Variants in GALNT17 observed in about 807,000 individuals in gnomAD.
GALNT17 encodes UDP-GalNAc:polypeptide N-acetylgalactosaminyltransferase-like 3.
A neutral mutation model predicts 63.7 loss-of-function variants in GALNT17; 29 were observed. The ratio of observed to expected loss-of-function variants is 0.46; its 90% CI spans 0.34 to 0.62. The LOEUF (loss-of-function observed/expected upper bound fraction) is 0.62. GALNT17 is among the 20% of genes least tolerant of loss of function. The pLI is 0.01. For synonymous variants in GALNT17, 305 were observed against 318.3 expected, an observed-to-expected ratio of 0.96 and a Z score of 0.45; for missense variants, 603 against 799.6, an observed-to-expected ratio of 0.75 and a Z score of 2.97.
intron 6 of GALNT17, among the ~76,000 whole-genome samples, chr7:71,574,645 C>T (rs997230127): frequency 1.8e-4 from 28 of 152,140 alleles, no homozygotes; most frequent in African/African-American, 6.8e-4. Flanking sequence ...TTCTCTGGTT[C>T]TCATGTTTCC....
intron 1 of GALNT17, among the ~76,000 whole-genome samples, chr7:71,276,370 G>T (rs6976906): frequency 0.26 from 38,960 of 152,122 alleles, 6,208 homozygotes; most frequent in Admixed American, 0.38. Flanking sequence ...CACTTGTATT[G>T]TGCCATTCAC....
intron 1 of GALNT17, among the ~76,000 whole-genome samples, chr7:71,164,248 G>C (rs994890758): frequency 3.3e-5 from 5 of 152,230 alleles, no homozygotes; most frequent in African/African-American, 4.8e-5. Flanking sequence ...TTGACTCACA[G>C]TTCTGCATGG....
rs148178791 is a variant in GALNT17, at chr7:71,477,478, G to A, written c.962+56373G>A. ...GGCTGTCTTCAGCAGTTGAGGAGAC[G>A]CAAACTGCACAGAGGACAATGAAAT... On this transcript the variant is annotated intron_variant, in intron 5 of 10. Transcript: ENST00000333538. Among the ~76,000 whole-genome samples the A allele has an allele frequency of 4.3e-4, 65 of 152,326 alleles. 1 individual carries two copies. The highest frequency in any genetic ancestry group is 1.5e-3 in the African/African-American group (62 of 41,564).
chr7:71,319,189 T>G (rs1298303024), intron 1 of GALNT17, among the ~76,000 whole-genome samples: 2 of 150,874 alleles, frequency 1.3e-5, no homozygotes, highest in African/African-American at 4.9e-5. Flanking sequence ...AGTTCCACAT[T>G]TATCTGCCCT....
At chr7:71,487,839 A>C (rs1354248247) in intron 5 of GALNT17, among the ~76,000 whole-genome samples, 1 of 152,146 alleles carries the variant, frequency 6.6e-6, no homozygotes, top group African/African-American at 2.4e-5. Flanking sequence ...CCTAGTTGTG[A>C]AATTGCCCCA....
chr7:71,154,261 C>G (rs568723674), intron 1 of GALNT17, among the ~76,000 whole-genome samples: 73 of 152,224 alleles, frequency 4.8e-4, no homozygotes, highest in Non-Finnish European at 5.1e-4. Context: ...CTGGCTGTTC[C>G]GGCTTCCAGC....
intron 1 of GALNT17, among the ~76,000 whole-genome samples, chr7:71,306,023 A>G (rs1429522478): frequency 6.6e-6 from 1 of 152,108 alleles, no homozygotes; most frequent in Non-Finnish European, 1.5e-5. Context: ...GCTCGAGACC[A>G]GCCTGGCCAA....
At chr7:71,292,507 G>A (rs1413208064) in intron 1 of GALNT17, among the ~76,000 whole-genome samples, 1 of 151,956 alleles carries the variant, frequency 6.6e-6, no homozygotes, top group East Asian at 1.9e-4. Flanking sequence ...CAGTTTTATT[G>A]AGCTATCATG....
intron 1 of GALNT17, among the ~76,000 whole-genome samples, chr7:71,141,242 C>T (rs1787884190): frequency 6.6e-6 from 1 of 152,118 alleles, no homozygotes; most frequent in South Asian, 2.1e-4. Flanking sequence ...TGGCAAGCGC[C>T]TGTAATCCCA....
intron 2 of GALNT17, among the ~76,000 whole-genome samples, chr7:71,336,031 CCTTTTTTTTTTTTTT>C (rs1791898841): frequency 4.7e-5 from 1 of 21,246 alleles, no homozygotes; most frequent in Admixed American, 4.6e-4. Flanking sequence ...CTTCTTTCTT[CCTTTTTTTTTTTTTT>C]TTTTTTTTTT....
chr7:71,213,218 G>A (rs542229585), intron 1 of GALNT17, among the ~76,000 whole-genome samples: 10 of 152,242 alleles, frequency 6.6e-5, no homozygotes, highest in African/African-American at 7.2e-5. Context: ...GAGATCTTAC[G>A]GTTTTATCAG....
At chr7:71,694,392 C>T (rs953817786) in intron 9 of GALNT17, among the ~76,000 whole-genome samples, 5 of 144,250 alleles carry the variant, frequency 3.5e-5, no homozygotes, top group African/African-American at 2.6e-5. Flanking sequence ...GAGTCTCACT[C>T]TGTCACTCAG....
chr7:71,201,257 A>AT (rs10526171), intron 1 of GALNT17, among the ~76,000 whole-genome samples: 2 of 148,174 alleles, frequency 1.3e-5, no homozygotes, highest in African/African-American at 5.0e-5. Flanking sequence ...ATATATATAT[A>AT]ATTTGTGTGT....
At chr7:71,622,223 G>T (rs910891233) in intron 6 of GALNT17, among the ~76,000 whole-genome samples, 3 of 152,186 alleles carry the variant, frequency 2.0e-5, no homozygotes, top group Admixed American at 6.5e-5. Context: ...CCATTGGGCT[G>T]GTAGAAGGCC....
At chr7:71,412,241 G>A (rs1793442171) in intron 3 of GALNT17, among the ~76,000 whole-genome samples, 1 of 152,168 alleles carries the variant, frequency 6.6e-6, no homozygotes, top group African/African-American at 2.4e-5. Flanking sequence ...GGAGGTCGAG[G>A]CTGCAGTGAG....
intron 1 of GALNT17, among the ~76,000 whole-genome samples, chr7:71,295,600 C>A (rs75155402): frequency 0.012 from 1,790 of 151,542 alleles, 15 homozygotes; most frequent in Middle Eastern, 0.027. Context: ...TACCTTCCTT[C>A]CTTCCTTCCC....
chr7:71,449,349 C>G (rs1238117850), intron 5 of GALNT17, among the ~76,000 whole-genome samples: 1 of 151,856 alleles, frequency 6.6e-6, no homozygotes, highest in African/African-American at 2.4e-5. Context: ...AATGATCCAC[C>G]CACCTTGGCC....
intron 5 of GALNT17, among the ~76,000 whole-genome samples, chr7:71,540,143 A>G (rs1462401379): frequency 4.6e-4 from 43 of 94,450 alleles, no homozygotes; most frequent in African/African-American, 1.7e-3. Flanking sequence ...GAGTCTCTCT[A>G]TGTCCTCCAG....
At chr7:71,330,924 C>G (rs1209464788) in intron 1 of GALNT17, among the ~76,000 whole-genome samples, 1 of 152,124 alleles carries the variant, frequency 6.6e-6, no homozygotes, top group Non-Finnish European at 1.5e-5. Context: ...CTCCTGGGCT[C>G]TCCTCTCTGC....
Sources: allele counts gnomAD v4.1 joint callset (sites outside exome capture counted in the v4.1 genomes callset), GRCh38; gene constraint gnomAD v4.1.1; transcripts MANE v1.5; gene names NCBI Gene and HGNC (gene_info 2026-07-23, HGNC 2026-07-21).